EYS: variants seen among roughly 807,000 people sequenced by gnomAD.
The protein encoded by EYS is protein eyes shut homolog.
Under a neutral mutation model 282.1 loss-of-function variants are expected in EYS, and 250 were observed. That is an observed-to-expected ratio of 0.89 (90% CI 0.80 to 0.98). The LOEUF (loss-of-function observed/expected upper bound fraction) is 0.98, where lower values mean the gene tolerates loss of function less well. Among genes scored for constraint, EYS ranks in the 50% least tolerant of loss-of-function variants. The pLI, the probability that EYS is intolerant of heterozygous loss-of-function variation, is 0.00. For synonymous variants in EYS, 1,355 were observed against 1,282.9 expected (o/e 1.06, Z -1.20); for missense variants, 4,016 against 3,709.0 (o/e 1.08, Z -2.15).
intron 12 of EYS, among the ~76,000 whole-genome samples, chr6:65,224,686 A>G (rs1052810802): frequency 6.6e-6 from 1 of 152,188 alleles, no homozygotes; most frequent in Non-Finnish European, 1.5e-5. Context: ...GAATACTCAA[A>G]TCACTAAAAT....
chr6:64,464,758 C>T (rs952711630), intron 26 of EYS, among the ~76,000 whole-genome samples: 4 of 151,856 alleles, frequency 2.6e-5, no homozygotes, highest in African/African-American at 7.2e-5. Flanking sequence ...AACTACATTG[C>T]TATAAAAATA....
chr6:64,027,588 C>T (rs1382375594), intron 33 of EYS, among the ~76,000 whole-genome samples: 4 of 152,126 alleles, frequency 2.6e-5, no homozygotes, highest in South Asian at 4.1e-4. Context: ...GACAAACAAA[C>T]CTTGGTGGTT....
chr6:65,657,345 G>T (rs578250053), intron 1 of EYS, among the ~76,000 whole-genome samples: 35 of 151,744 alleles, frequency 2.3e-4, no homozygotes, highest in African/African-American at 8.4e-4. Context: ...TTTCTCTGAG[G>T]GATCTTCCGG....
At chr6:65,548,613 C>T (rs751901627) in intron 2 of EYS, among the ~76,000 whole-genome samples, 9 of 152,150 alleles carry the variant, frequency 5.9e-5, no homozygotes, top group Non-Finnish European at 1.2e-4. Flanking sequence ...CTGTCTGATT[C>T]CCGGCACTTA....
intron 26 of EYS, among the ~76,000 whole-genome samples, chr6:64,452,545 T>C (rs1371026398): frequency 6.6e-6 from 1 of 152,038 alleles, no homozygotes; most frequent in East Asian, 1.9e-4. Context: ...GAGCCCGCAT[T>C]GCCAAGTCAA....
At chr6:64,042,164 AT>A (rs911149611) in intron 33 of EYS, among the ~76,000 whole-genome samples, 1 of 152,194 alleles carries the variant, frequency 6.6e-6, no homozygotes, top group Non-Finnish European at 1.5e-5. Flanking sequence ...AGCAGGTCAT[AT>A]TTTTGGTTAG....
At chr6:65,327,257 T>G (rs1293906908) in intron 11 of EYS, among the ~76,000 whole-genome samples, 4 of 151,690 alleles carry the variant, frequency 2.6e-5, no homozygotes, top group Non-Finnish European at 4.4e-5. Context: ...TTGTGTGTTT[T>G]TGATCCTTCT....
intron 31 of EYS, among the ~76,000 whole-genome samples, chr6:64,229,763 A>C (rs1766363522): frequency 6.6e-6 from 1 of 152,094 alleles, no homozygotes; most frequent in South Asian, 2.1e-4. Context: ...ATACACAAAC[A>C]CACCCCTTTG....
intron 1 of EYS, among the ~76,000 whole-genome samples, chr6:65,705,283 T>C (rs1769835174): frequency 6.6e-6 from 1 of 152,316 alleles, no homozygotes; most frequent in East Asian, 1.9e-4. Context: ...TCAAAGAATC[T>C]GGGCTGCATA....
intron 14 of EYS, among the ~76,000 whole-genome samples, chr6:64,994,780 T>A (rs11756218): frequency 0.068 from 10,296 of 152,238 alleles, 441 homozygotes; most frequent in East Asian, 0.13. Context: ...TTTGTACTAT[T>A]TTTGTTTTAT....
chr6:65,634,573 G>A (rs1397045334), intron 2 of EYS, among the ~76,000 whole-genome samples: 2 of 151,992 alleles, frequency 1.3e-5, no homozygotes, highest in Non-Finnish European at 2.9e-5. Flanking sequence ...CTAGCTACTC[G>A]GCAACTCTAC....
chr6:63,879,948 C>T (rs1408629841), intron 35 of EYS, among the ~76,000 whole-genome samples: 8 of 152,076 alleles, frequency 5.3e-5, no homozygotes, highest in South Asian at 2.1e-4. Context: ...TTGTACTGAA[C>T]GTATTAAATA....
intron 15 of EYS, among the ~76,000 whole-genome samples, chr6:64,927,678 C>T (rs6940877): frequency 0.31 from 46,933 of 151,906 alleles, 9,168 homozygotes; most frequent in African/African-American, 0.56. Flanking sequence ...AATAACATGT[C>T]ATTTGAAAAG....
At chr6:64,051,421 T>C (rs935228878) in intron 33 of EYS, among the ~76,000 whole-genome samples, 35 of 152,122 alleles carry the variant, frequency 2.3e-4, no homozygotes, top group African/African-American at 8.4e-4. Flanking sequence ...AAAATACCTT[T>C]CCTTAATGTA....
intron 34 of EYS, among the ~76,000 whole-genome samples, chr6:63,987,315 T>C (rs1272646070): frequency 6.6e-6 from 1 of 151,704 alleles, no homozygotes; most frequent in Non-Finnish European, 1.5e-5. Context: ...TGTGGTGAGA[T>C]GTACCACTGT....
chr6:64,823,269 T>A (rs1764953023), intron 19 of EYS, among the ~76,000 whole-genome samples: 1 of 151,858 alleles, frequency 6.6e-6, no homozygotes, highest in South Asian at 2.1e-4. Flanking sequence ...CTAAATGAAA[T>A]CTAACTTTGG....
chr6:65,095,476 T>C (rs1302651710), intron 12 of EYS, among the ~76,000 whole-genome samples: 1 of 151,048 alleles, frequency 6.6e-6, no homozygotes, highest in Non-Finnish European at 1.5e-5. Context: ...AGGTAATGTG[T>C]ATCTTCAATA....
intron 1 of EYS, among the ~76,000 whole-genome samples, chr6:65,704,311 A>G (rs895227028): frequency 6.6e-6 from 1 of 152,216 alleles, no homozygotes; most frequent in African/African-American, 2.4e-5. Flanking sequence ...CATAAAAATT[A>G]TCTCCATTTT....
chr6:64,335,755 C>T lies in EYS; in HGVS notation c.6079-28673G>A, dbSNP rs533737174. ...CACCAGGTGACCTATAAAGGAAAAC[C>T]TATCAGATTAACAGCAGATTTCTCA... On this transcript the variant is annotated intron_variant, in intron 29 of 42. Transcript: ENST00000503581. Among the ~76,000 whole-genome samples, 5 of 152,196 alleles carry T rather than the reference C, an allele frequency of 3.3e-5. No homozygotes were observed. The East Asian group carries it at 9.7e-4, about 29-fold the overall frequency.
Sources: gnomAD v4.1 joint callset for allele counts (sites outside exome capture counted in the v4.1 genomes callset) on GRCh38, gnomAD v4.1.1 for gene constraint, MANE v1.5 for transcripts, NCBI Gene and HGNC (gene_info 2026-07-23, HGNC 2026-07-21) for gene names.